The following FAM117A variants were observed in gnomAD, a reference collection of about 807,000 sequenced individuals.
FAM117A encodes the protein protein FAM117A.
Under a neutral mutation model 44.1 loss-of-function variants are expected in FAM117A, and 21 were observed. That is an observed-to-expected ratio of 0.48 (90% CI 0.34 to 0.69). The LOEUF is 0.69. FAM117A is among the 30% of genes least tolerant of loss of function. The pLI, the probability that FAM117A is intolerant of heterozygous loss-of-function variation, is 0.01. For synonymous variants in FAM117A, 220 were observed against 238.3 expected, an observed-to-expected ratio of 0.92 and a Z score of 0.71; for missense variants, 498 against 589.9, an observed-to-expected ratio of 0.84 and a Z score of 1.61.
intron 3 of FAM117A, among the ~76,000 whole-genome samples, chr17:49,720,789 G>A (rs1281439777): frequency 6.6e-6 from 1 of 151,600 alleles, no homozygotes; most frequent in Non-Finnish European, 1.5e-5. Context: ...GTGCGATCTC[G>A]GCTCACTGCA....
intron 3 of FAM117A, among the ~76,000 whole-genome samples, chr17:49,721,018 C>A (rs1016100330): frequency 6.6e-6 from 1 of 152,114 alleles, no homozygotes; most frequent in African/African-American, 2.4e-5. Context: ...TGGCCCTACC[C>A]CTCTATAAAT....
At chr17:49,713,172 G>A (rs1200429664) in intron 7 of FAM117A, among the ~76,000 whole-genome samples, 1 of 152,058 alleles carries the variant, frequency 6.6e-6, no homozygotes, top group Non-Finnish European at 1.5e-5. Context: ...ACAGGCATGA[G>A]CCACCGCACC....
intron 2 of FAM117A, among the ~76,000 whole-genome samples, chr17:49,732,066 G>A (rs768002297): frequency 7.2e-5 from 11 of 152,172 alleles, no homozygotes; most frequent in Admixed American, 1.3e-4. Flanking sequence ...GATTATAGGC[G>A]TGAGCCACTG....
chr17:49,772,431 C>A (rs1026577684), intron 1 of FAM117A, among the ~76,000 whole-genome samples: 2 of 151,918 alleles, frequency 1.3e-5, no homozygotes, highest in African/African-American at 2.4e-5. Flanking sequence ...CATAGTGAAA[C>A]CCTGTCTCTA....
intron 1 of FAM117A, among the ~76,000 whole-genome samples, chr17:49,748,454 G>A (rs765840831): frequency 1.8e-4 from 27 of 152,232 alleles, no homozygotes; most frequent in African/African-American, 5.5e-4. Flanking sequence ...GGCCACTACC[G>A]GAAACTTACG....
intron 1 of FAM117A, among the ~76,000 whole-genome samples, chr17:49,749,903 T>C (rs184543475): frequency 6.7e-6 from 1 of 148,620 alleles, no homozygotes; most frequent in African/African-American, 2.4e-5. Flanking sequence ...CACATCCTGC[T>C]TCCACCCCAA....
At chr17:49,761,475 TTCTA>T (rs1241394703) in intron 1 of FAM117A, among the ~76,000 whole-genome samples, 3 of 152,222 alleles carry the variant, frequency 2.0e-5, no homozygotes, top group African/African-American at 4.8e-5. Flanking sequence ...TTTAAGCACT[TTCTA>T]TCTATTAACT....
chr17:49,738,894 T>C (rs918711405), intron 1 of FAM117A, among the ~76,000 whole-genome samples: 8 of 152,358 alleles, frequency 5.3e-5, no homozygotes, highest in Non-Finnish European at 1.2e-4. Flanking sequence ...CCTGCTTCTT[T>C]GGACATCAAA....
upstream of FAM117A, chr17:49,764,148 A>C: frequency 1.2e-6 from 1 of 858,886 alleles, no homozygotes; most frequent in Non-Finnish European, 1.6e-6. Context: ...CCAACCCCCG[A>C]GGCCGCTGCT....
chr17:49,728,468 A>G (rs2073570082), intron 2 of FAM117A, among the ~76,000 whole-genome samples: 1 of 151,732 alleles, frequency 6.6e-6, no homozygotes, highest in African/African-American at 2.4e-5. Context: ...CCTATCATAG[A>G]AGCTTCCCCA....
At chr17:49,739,285 C>T (rs1424329445) in intron 1 of FAM117A, among the ~76,000 whole-genome samples, 1 of 152,120 alleles carries the variant, frequency 6.6e-6, no homozygotes, top group Non-Finnish European at 1.5e-5. Flanking sequence ...AAGCCCTAGC[C>T]CCTCTATCCG....
Position 49,711,513 on chromosome 17 carries a change from G to A in FAM117A, c.1104C>T (p.Asp368=), listed in dbSNP as rs746190183. 6.2e-7 allele frequency: 1 copy of A among 1,614,138 alleles called. No homozygotes were observed. The highest frequency in any genetic ancestry group is 1.1e-5 in the South Asian group (1 of 91,086). The change falls in exon 8 of 8, where the codon GAC becomes GAT. Residue 368 remains aspartate, a synonymous_variant. Transcript: ENST00000240364. Reference sequence around the variant, plus strand: ...TCGGGTTGAAATGGACTTTGTTCTTGTCAGGACAGGAAGTCAGGAAGGCCA... The same window carrying A: ...TCGGGTTGAAATGGACTTTGTTCTTATCAGGACAGGAAGTCAGGAAGGCCA... ...PDLAFLTSCP[D]KNKVHFNPTG...
intron 1 of FAM117A, among the ~76,000 whole-genome samples, chr17:49,736,760 A>C (rs952904508): frequency 1.3e-4 from 20 of 152,178 alleles, no homozygotes; most frequent in Non-Finnish European, 2.6e-4. Flanking sequence ...TACTGCCTCC[A>C]CTCCACCAAG....
At chr17:49,736,914 A>G (rs2073613097) in intron 1 of FAM117A, among the ~76,000 whole-genome samples, 1 of 152,234 alleles carries the variant, frequency 6.6e-6, no homozygotes. Flanking sequence ...CCTGAGGCCA[A>G]GGGCAGGCTC....
chr17:49,782,376 CAAAAAAAA>C (rs1193854249), intron 1 of FAM117A, among the ~76,000 whole-genome samples: 2 of 18,100 alleles, frequency 1.1e-4, no homozygotes, highest in Non-Finnish European at 2.2e-4. Context: ...GACTCCGTCT[CAAAAAAAA>C]AAAAAAAAAA....
intron 2 of FAM117A, among the ~76,000 whole-genome samples, chr17:49,722,987 A>G (rs766936176): frequency 4.6e-5 from 7 of 152,142 alleles, no homozygotes; most frequent in Non-Finnish European, 1.0e-4. Context: ...CTCGCCCTCT[A>G]CATGTGTAGC....
chr17:49,716,122 G>T (rs373409560), intron 7 of FAM117A, 43 bp downstream of exon 7: 9 of 1,580,728 alleles, frequency 5.7e-6, no homozygotes, highest in Middle Eastern at 2.3e-4. Context: ...GAGAATGTAG[G>T]CCCACCCTCC....
At chr17:49,735,110 T>C (rs886561801) in intron 1 of FAM117A, among the ~76,000 whole-genome samples, 4 of 152,202 alleles carry the variant, frequency 2.6e-5, no homozygotes, top group Non-Finnish European at 4.4e-5. Context: ...TTGCACAACA[T>C]TGTAAATGTA....
intron 1 of FAM117A, among the ~76,000 whole-genome samples, chr17:49,745,424 C>T (rs2073651124): frequency 6.6e-6 from 1 of 152,148 alleles, no homozygotes; most frequent in African/African-American, 2.4e-5. Context: ...TTTATATAAT[C>T]CCAAAGTATT....
Sources: gnomAD v4.1 joint callset for allele counts (sites outside exome capture counted in the v4.1 genomes callset) on GRCh38, gnomAD v4.1.1 for gene constraint, MANE v1.5 for transcripts, NCBI Gene and HGNC (gene_info 2026-07-23, HGNC 2026-07-21) for gene names.